The following EML5 variants were observed in gnomAD, a reference collection of about 807,000 sequenced individuals.
EML5 encodes the protein EMAP like 5.
EML5 carries 120 observed loss-of-function variants against 250.0 expected under a neutral mutation model. The observed-to-expected ratio is 0.48, with a 90% CI of 0.41 to 0.56. EML5 has a LOEUF of 0.56. Ranked by LOEUF, EML5 falls within the 20% of genes least tolerant of loss-of-function variation. The pLI is 0.00. For synonymous variants in EML5, 771 were observed against 806.5 expected (o/e 0.96, Z 0.75); for missense variants, 2,006 against 2,437.6 (o/e 0.82, Z 3.73).
Position 88,646,960 on chromosome 14 carries a change from T to G in EML5, c.4020-5A>C, listed in dbSNP as rs1331960723. 1.3e-6 allele frequency: 2 copies of G among 1,592,902 alleles called. No individual in the cohort carries two copies. The highest frequency in any genetic ancestry group is 1.7e-6 in the Non-Finnish European group (2 of 1,177,922). ...AGAGAGGATTACCTGGAACCTCTTT[T>G]CAGCAGCAGATAAAGAGGGAAAAAG... On this transcript the variant is annotated splice_region_variant and splice_polypyrimidine_tract_variant and intron_variant, in intron 28 of 43. Coordinates refer to ENST00000554922, the MANE Select transcript of EML5 (RefSeq NM_183387.3).
intron 3 of EML5, among the ~76,000 whole-genome samples, chr14:88,745,335 A>G (rs1365199651): frequency 6.6e-6 from 1 of 152,088 alleles, no homozygotes; most frequent in Non-Finnish European, 1.5e-5. Flanking sequence ...GTGCTGGTTC[A>G]GGTTAGGATT....
chr14:88,626,352 TG>T (rs887455341), intron 35 of EML5: 1 of 155,542 alleles, frequency 6.4e-6, no homozygotes, highest in African/African-American at 2.4e-5. Context: ...CTTATTATGG[TG>T]GCTCATGCCT....
intron 21 of EML5, among the ~76,000 whole-genome samples, chr14:88,670,867 A>G (rs77961525): frequency 1.4e-5 from 2 of 142,764 alleles, no homozygotes; most frequent in Non-Finnish European, 3.0e-5. Context: ...AAGATTAGAG[A>G]AAAAAAAAAA....
chr14:88,712,828 A>G (rs919803262), intron 9 of EML5, among the ~76,000 whole-genome samples: 4 of 152,180 alleles, frequency 2.6e-5, no homozygotes, highest in Non-Finnish European at 5.9e-5. Flanking sequence ...AAAAGCTATG[A>G]GAAAGTGGCA....
At chr14:88,778,386 C>T (rs1595869000) in intron 1 of EML5, among the ~76,000 whole-genome samples, 1 of 152,152 alleles carries the variant, frequency 6.6e-6, no homozygotes. Flanking sequence ...TTTGAGTGTA[C>T]GACTTTTCTC....
intron 28 of EML5, 91 bp from the exon 29 acceptor site, chr14:88,647,046 A>C (rs1459483140): frequency 8.0e-7 from 1 of 1,255,476 alleles, no homozygotes. Context: ...AAAATATTTT[A>C]ACAAGTTTAA....
rs776427954 is a variant in EML5, at chr14:88,658,249, C to T, written c.3815G>A (p.Gly1272Asp). The T allele has an allele frequency of 1.1e-5, 17 of 1,613,690 alleles. 1 individual carries two copies. The Admixed American group carries it at 1.5e-4, about 14-fold the overall frequency. ...SLMVWTNEME[G>D]YREKRPCDSE... ...ATCACAAGGCCTTTTTTCTCGATAG[C>T]CTTCCATCTCATTTGTCCACACCAT... The change falls in exon 26 of 44, where the codon GGC becomes GAC. Residue 1272 changes from glycine to aspartate, a missense_variant. Physicochemically the swap from Gly to Asp is moderately conservative, Grantham distance 94. This residue lies in a region of EML5 where 1,375 missense variants were observed against 1,590.3 expected (regional missense o/e 0.86). Coordinates refer to ENST00000554922, the MANE Select transcript of EML5 (RefSeq NM_183387.3).
intron 1 of EML5, among the ~76,000 whole-genome samples, chr14:88,784,498 T>G (rs2094530996): frequency 1.3e-5 from 2 of 151,854 alleles, no homozygotes; most frequent in East Asian, 3.8e-4. Flanking sequence ...ATTAGTGGCT[T>G]CTATGACCAA....
At chr14:88,691,504 G>A (rs570165370) in intron 17 of EML5, among the ~76,000 whole-genome samples, 1 of 152,182 alleles carries the variant, frequency 6.6e-6, no homozygotes, top group Admixed American at 6.5e-5. Flanking sequence ...CCTGTTACAT[G>A]AGGTCATATA....
chr14:88,759,685 TAAAAA>T lies in EML5; in HGVS notation c.198-5019_198-5015del, dbSNP rs58676323. Reference sequence around the variant, plus strand: ...AGTGACAGGGCAAGTCACCATCTCTTAAAAAAAAAAAAAAAAAAACTGGGGAGAAA... The same window carrying T: ...AGTGACAGGGCAAGTCACCATCTCTTAAAAAAAAAAAAAACTGGGGAGAAA... On this transcript the variant is annotated intron_variant, in intron 1 of 43. Coordinates refer to ENST00000554922, the MANE Select transcript of EML5 (RefSeq NM_183387.3). 6.5e-5 allele frequency among the ~76,000 whole-genome samples: 6 copies of T among 92,906 alleles called. 2 individuals are homozygous for T. Among genetic ancestry groups the T allele is most frequent in the African/African-American group, 3.3e-4 (6 of 18,052 alleles). 60.9% of individuals were successfully genotyped at this position (92,906 alleles called of 152,430 possible).
rs924549498 is a variant in EML5 at position 88,662,930 on chromosome 14, A to G, written c.3498+101T>C. On this transcript the variant is annotated intron_variant, in intron 24 of 43. Coordinates refer to ENST00000554922, the MANE Select transcript of EML5 (RefSeq NM_183387.3). ...TAATATCCAATATTTTAATAATTTG[A>G]GAACAGACTTCACGTGTAACTAAAC... 10 of 782,310 alleles carry G rather than the reference A, an allele frequency of 1.3e-5. No homozygotes were observed. In the African/African-American group the frequency reaches 1.8e-4, roughly 14 times the overall value. 48.5% of individuals were successfully genotyped at this position (782,310 alleles called of 1,614,324 possible).
intron 21 of EML5, among the ~76,000 whole-genome samples, chr14:88,669,531 G>T (rs184906395): frequency 6.6e-6 from 1 of 152,268 alleles, no homozygotes; most frequent in Non-Finnish European, 1.5e-5. Context: ...ACTGTGCGGG[G>T]CCTCCCTGCA....
Position 88,642,884 on chromosome 14 carries a change from G to T in EML5, c.4237+9C>A. 2 of 1,595,958 alleles carry T rather than the reference G, an allele frequency of 1.3e-6. No homozygotes were observed. The highest frequency in any genetic ancestry group is 1.7e-6 in the Non-Finnish European group (2 of 1,174,226). ...ATTGATAGAGGGATGGAGAATCAGG[G>T]TTTCCTACCTGTAGCAACATTGTGC... On this transcript the variant is annotated intron_variant, in intron 31 of 43. Coordinates refer to ENST00000554922, the MANE Select transcript of EML5 (RefSeq NM_183387.3).
At chr14:88,669,190 C>T (rs6575016) in intron 21 of EML5, among the ~76,000 whole-genome samples, 8,834 of 152,188 alleles carry the variant, frequency 0.058, 688 homozygotes, top group African/African-American at 0.17. Flanking sequence ...AGATCCCCTC[C>T]GTGAGCCCAT....
chr14:88,625,068 T>C lies in EML5; in HGVS notation c.4800A>G (p.Ile1600Met). ...SGDVCVWKDH[I>M]LCRIVARAHN... ...GAGCTCTCGCCACGATTCTACACAATATGTGATCTTTCCACACACAGACAT... is the reference window on the plus strand; with the variant it reads ...GAGCTCTCGCCACGATTCTACACAACATGTGATCTTTCCACACACAGACAT... The change falls in exon 36 of 44, where the codon ATA (isoleucine) becomes ATG (methionine). Residue 1600 changes from isoleucine to methionine, a missense_variant. By Grantham distance (10) the Ile-to-Met change is conservative. Around this residue, in one of 7 missense-constraint regions of EML5, gnomAD observed 405 missense variants for 523.3 expected, o/e 0.77. Transcript: ENST00000554922. The C allele has an allele frequency of 6.2e-7, 1 of 1,613,858 alleles. No homozygotes were observed. Among genetic ancestry groups the C allele is most frequent in the Non-Finnish European group, 8.5e-7 (1 of 1,179,832 alleles).
chr14:88,653,742 T>C (rs937810545), intron 27 of EML5, among the ~76,000 whole-genome samples: 2 of 152,194 alleles, frequency 1.3e-5, no homozygotes, highest in South Asian at 2.1e-4. Context: ...ACCAGGCATA[T>C]TGGCCTGAAA....
At chr14:88,621,802 A>G (rs1468663817) in intron 37 of EML5, 1 of 409,632 alleles carries the variant, frequency 2.4e-6, no homozygotes, top group South Asian at 1.8e-5. Context: ...TTGACACATA[A>G]TTATACATAT....
At position 88,615,865 on chromosome 14, in the gene EML5, A is replaced by T; in HGVS notation, c.5898-11T>A. The T allele has an allele frequency of 6.2e-7, 1 of 1,609,976 alleles. No homozygotes were observed. The highest frequency in any genetic ancestry group is 1.3e-5 in the African/African-American group (1 of 75,008). The stretch of plus-strand genomic sequence containing the variant: ...TTCCAGACAAATAAGCTGCAATCAG[A>T]GAAGAAAATTGCAGGGAGTTAATTA... On this transcript the variant is annotated splice_polypyrimidine_tract_variant and intron_variant, in intron 43 of 43. Coordinates refer to ENST00000554922, the MANE Select transcript of EML5 (RefSeq NM_183387.3).
chr14:88,752,298 T>C (rs537460541), intron 2 of EML5, among the ~76,000 whole-genome samples: 2 of 152,300 alleles, frequency 1.3e-5, no homozygotes, highest in Admixed American at 6.5e-5. Flanking sequence ...TATAGATGCT[T>C]ATAATTAAAA....
Sources: gnomAD v4.1 joint callset for allele counts (sites outside exome capture counted in the v4.1 genomes callset) on GRCh38, gnomAD v4.1.1 for gene constraint, gnomAD v4.1.1 regional missense constraint, MANE v1.5 for transcripts, NCBI Gene and HGNC (gene_info 2026-07-23, HGNC 2026-07-21) for gene names.